The following CSMD1 variants were observed in gnomAD, a reference collection of about 807,000 sequenced individuals.
CSMD1 encodes CUB and sushi domain-containing protein 1.
Under a neutral mutation model 417.5 loss-of-function variants are expected in CSMD1, and 213 were observed. The observed-to-expected ratio is 0.51, with a 90% CI of 0.46 to 0.57. CSMD1 has a LOEUF of 0.57. Ranked by LOEUF, CSMD1 falls within the 20% of genes least tolerant of loss-of-function variation. The pLI is 0.00. For missense variants in CSMD1, 6,923 were observed against 4,529.7 expected, an observed-to-expected ratio of 1.53 and a Z score of -15.17; for synonymous variants, 2,862 against 1,736.8, an observed-to-expected ratio of 1.65 and a Z score of -16.11.
At chr8:3,963,249 G>A (rs773777627) in intron 5 of CSMD1, among the ~76,000 whole-genome samples, 4 of 152,082 alleles carry the variant, frequency 2.6e-5, no homozygotes, top group African/African-American at 7.2e-5. Context: ...TTTGAATATT[G>A]TAATTGTAAT....
At chr8:4,271,339 A>C (rs1211802853) in intron 3 of CSMD1, among the ~76,000 whole-genome samples, 1 of 152,198 alleles carries the variant, frequency 6.6e-6, no homozygotes, top group Non-Finnish European at 1.5e-5. Context: ...TTAGTAAGAA[A>C]CACTGGCAGT....
intron 7 of CSMD1, among the ~76,000 whole-genome samples, chr8:3,684,288 AATAT>A (rs1346527060): frequency 3.5e-5 from 5 of 144,470 alleles, no homozygotes; most frequent in South Asian, 4.2e-4. Flanking sequence ...TATTATATAT[AATAT>A]ATAAATTATA....
rs144312120 is a variant in CSMD1 at position 4,215,437 on chromosome 8, C to T, written c.416-183338G>A. Among the ~76,000 whole-genome samples the T allele has an allele frequency of 7.2e-5, 11 of 152,164 alleles. No individual in the cohort carries two copies. In the East Asian group the frequency reaches 1.2e-3, roughly 16 times the overall value. ...TCTGAATCATTAGTAACACAAAAGA[C>T]TCAATGCTTCCTGAATATTTTACAC... On this transcript the variant is annotated intron_variant, in intron 3 of 69. Transcript: ENST00000635120.
At chr8:4,629,438 T>C (rs550075125) in intron 2 of CSMD1, among the ~76,000 whole-genome samples, 1 of 152,336 alleles carries the variant, frequency 6.6e-6, no homozygotes, top group Non-Finnish European at 1.5e-5. Flanking sequence ...ACTCCTTACG[T>C]ATATTTTACC....
intron 7 of CSMD1, among the ~76,000 whole-genome samples, chr8:3,617,530 G>C (rs966854346): frequency 6.6e-6 from 1 of 152,080 alleles, no homozygotes; most frequent in Non-Finnish European, 1.5e-5. Context: ...AGTATAATGA[G>C]ATGTGAGGGG....
chr8:3,695,979 GT>G (rs994832962), intron 7 of CSMD1, among the ~76,000 whole-genome samples: 1 of 152,158 alleles, frequency 6.6e-6, no homozygotes, highest in African/African-American at 2.4e-5. Flanking sequence ...ATATGGGATA[GT>G]TTTTTCCAGT....
At chr8:3,525,682 C>G (rs902737278) in intron 10 of CSMD1, among the ~76,000 whole-genome samples, 2 of 152,168 alleles carry the variant, frequency 1.3e-5, no homozygotes, top group Non-Finnish European at 2.9e-5. Context: ...AAATGCTGCT[C>G]TATGTACCCA....
chr8:3,804,779 A>G (rs1472719940), intron 5 of CSMD1, among the ~76,000 whole-genome samples: 1 of 152,230 alleles, frequency 6.6e-6, no homozygotes, highest in Non-Finnish European at 1.5e-5. Flanking sequence ...GCTGAGAAAG[A>G]AAATATGTTT....
chr8:4,232,663 C>G (rs548078015), intron 3 of CSMD1, among the ~76,000 whole-genome samples: 1 of 152,160 alleles, frequency 6.6e-6, no homozygotes, highest in South Asian at 2.1e-4. Flanking sequence ...ACTTTCTTAA[C>G]TAAAACTCTC....
chr8:4,678,076 T>C (rs929799484), intron 1 of CSMD1, among the ~76,000 whole-genome samples: 2 of 151,996 alleles, frequency 1.3e-5, no homozygotes, highest in African/African-American at 4.8e-5. Context: ...CACATATGAA[T>C]TAAAGGAACT....
In CSMD1 at chr8:4,258,104, C is replaced by T. The variant is rs554218511; in HGVS notation, c.415+161849G>A. Among the ~76,000 whole-genome samples, 574 of 151,448 alleles carry T rather than the reference C, an allele frequency of 3.8e-3. 1 individual carries two copies. Among genetic ancestry groups the T allele is most frequent in the Middle Eastern group, 6.9e-3 (2 of 290 alleles). On this transcript the variant is annotated intron_variant, in intron 3 of 69. Transcript: ENST00000635120. ...GACTACAGGCCCGTGCTACCATTCC[C>T]GGCTATTTTTTTCTATTTTTAGTAG...
intron 1 of CSMD1, among the ~76,000 whole-genome samples, chr8:4,989,817 C>T (rs556677755): frequency 3.9e-4 from 59 of 152,152 alleles, no homozygotes; most frequent in Admixed American, 6.5e-4. Flanking sequence ...TAAGCACGAA[C>T]CAGCCACCGA....
intron 5 of CSMD1, among the ~76,000 whole-genome samples, chr8:3,874,690 G>C (rs973465584): frequency 2.6e-5 from 4 of 152,100 alleles, no homozygotes; most frequent in African/African-American, 4.8e-5. Context: ...AACTCTGCAA[G>C]TCCCTCCTAC....
chr8:4,629,687 T>A (rs1802391745), intron 2 of CSMD1, among the ~76,000 whole-genome samples: 2 of 152,314 alleles, frequency 1.3e-5, no homozygotes, highest in East Asian at 1.9e-4. Flanking sequence ...TTATTTTCCA[T>A]ATTAATATTT....
intron 5 of CSMD1, among the ~76,000 whole-genome samples, chr8:3,805,766 C>A (rs1800698922): frequency 6.6e-6 from 1 of 151,958 alleles, no homozygotes; most frequent in Non-Finnish European, 1.5e-5. Flanking sequence ...GAGTCCGTCC[C>A]CTACCCCAGT....
At chr8:3,982,134 G>C (rs1017998508) in intron 5 of CSMD1, among the ~76,000 whole-genome samples, 1 of 149,350 alleles carries the variant, frequency 6.7e-6, no homozygotes, top group Non-Finnish European at 1.5e-5. Context: ...CTCCAGCCTG[G>C]GTGACACAGC....
chr8:3,408,379 G>A (rs1384917156), intron 13 of CSMD1, among the ~76,000 whole-genome samples, 154 bp from the exon 14 acceptor site: 1 of 152,134 alleles, frequency 6.6e-6, no homozygotes, highest in Non-Finnish European at 1.5e-5. Flanking sequence ...GGACCATAAT[G>A]TTTTCTCCTT....
chr8:4,920,397 T>C (rs144217145), intron 1 of CSMD1, among the ~76,000 whole-genome samples: 45 of 152,316 alleles, frequency 3.0e-4, no homozygotes, highest in African/African-American at 1.0e-3. Flanking sequence ...GCAGTATAAA[T>C]CTAGGGAATT....
intron 5 of CSMD1, among the ~76,000 whole-genome samples, chr8:3,986,764 TC>T (rs1489219023): frequency 7.1e-6 from 1 of 141,316 alleles, no homozygotes; most frequent in Non-Finnish European, 1.5e-5. Flanking sequence ...AAGTGATTTT[TC>T]TTTTTTTTTA....
Sources: gnomAD v4.1 joint callset for allele counts (sites outside exome capture counted in the v4.1 genomes callset) on GRCh38, gnomAD v4.1.1 for gene constraint, MANE v1.5 for transcripts, NCBI Gene and HGNC (gene_info 2026-07-23, HGNC 2026-07-21) for gene names.